FUT8: variants seen among roughly 807,000 people sequenced by gnomAD.
FUT8 encodes the protein alpha-(1,6)-fucosyltransferase.
A neutral mutation model predicts 71.3 loss-of-function variants in FUT8; 29 were observed. That is an observed-to-expected ratio of 0.41 (90% CI 0.30 to 0.55). The LOEUF (loss-of-function observed/expected upper bound fraction) is 0.55. Ranked by LOEUF, FUT8 falls within the 20% of genes least tolerant of loss-of-function variation. FUT8 has a pLI of 0.34. For missense variants in FUT8, 544 were observed against 702.1 expected, an observed-to-expected ratio of 0.77 and a Z score of 2.55; for synonymous variants, 254 against 239.3, an observed-to-expected ratio of 1.06 and a Z score of -0.57.
chr14:65,380,671 C>T, the FUT8 span, among the ~76,000 whole-genome samples: 1 of 152,218 alleles, frequency 6.6e-6, no homozygotes, highest in African/African-American at 2.4e-5. Context: ...CTGGGGTCCT[C>T]CAAGGCTCTT....
rs757920725 is a variant in FUT8, at chr14:65,682,219, G to GGT, written c.835+12740_835+12741insTG. Among the ~76,000 whole-genome samples the GGT allele has an allele frequency of 1.6e-4, 24 of 152,304 alleles. 2 individuals carry two copies. The highest frequency in any genetic ancestry group is 1.2e-3 in the Admixed American group (18 of 15,298). ...TAAAGATTTAAACAAGAATCCCAAG[G>GGT]GGGCCAGGTGTGGTGGCTCACGCTT... On this transcript the variant is annotated intron_variant, in intron 7 of 10. Coordinates refer to ENST00000673929, the MANE Select transcript of FUT8 (RefSeq NM_001371533.1).
intron 1 of FUT8, among the ~76,000 whole-genome samples, chr14:65,432,065 C>T (rs1406867749): frequency 2.6e-5 from 4 of 152,140 alleles, no homozygotes; most frequent in Non-Finnish European, 4.4e-5. Flanking sequence ...AATGGGGATT[C>T]TTCAGTCTTG....
At chr14:65,444,976 C>A (rs139123707) in intron 1 of FUT8, among the ~76,000 whole-genome samples, 74 of 151,904 alleles carry the variant, frequency 4.9e-4, no homozygotes, top group African/African-American at 1.7e-3. Flanking sequence ...GAGGCCGAGG[C>A]GGGTGGATCA....
intron 7 of FUT8, among the ~76,000 whole-genome samples, chr14:65,672,265 A>G (rs1892509389): frequency 6.6e-6 from 1 of 152,140 alleles, no homozygotes; most frequent in Non-Finnish European, 1.5e-5. Context: ...TCTATTCCTA[A>G]TAGTTTATGT....
chr14:65,524,194 C>T (rs554265791), intron 2 of FUT8, among the ~76,000 whole-genome samples: 2 of 152,278 alleles, frequency 1.3e-5, no homozygotes, highest in Admixed American at 1.3e-4. Context: ...ATTGATTCTT[C>T]CTATCCGTGA....
intron 2 of FUT8, among the ~76,000 whole-genome samples, chr14:65,520,249 G>C (rs1365150819): frequency 6.6e-6 from 1 of 151,860 alleles, no homozygotes; most frequent in Non-Finnish European, 1.5e-5. Flanking sequence ...GGCAAAGAAC[G>C]GAAGTTTTTA....
intron 1 of FUT8, among the ~76,000 whole-genome samples, chr14:65,431,591 G>A (rs909586737): frequency 6.6e-6 from 1 of 151,962 alleles, no homozygotes; most frequent in Non-Finnish European, 1.5e-5. Context: ...GGGATTACAG[G>A]CGTGAGCCAC....
intron 1 of FUT8, among the ~76,000 whole-genome samples, chr14:65,450,009 C>T (rs375415429): frequency 3.9e-5 from 6 of 152,278 alleles, no homozygotes. Context: ...TAATTTTTGT[C>T]ATCTGTTAAA....
At chr14:65,694,108 T>C (rs1250327320) in intron 7 of FUT8, among the ~76,000 whole-genome samples, 1 of 152,224 alleles carries the variant, frequency 6.6e-6, no homozygotes, top group Non-Finnish European at 1.5e-5. Flanking sequence ...ACTAGAGGTT[T>C]CTTCATTTTA....
intron 2 of FUT8, among the ~76,000 whole-genome samples, chr14:65,466,960 CA>C (rs1258442463): frequency 1.3e-5 from 2 of 152,132 alleles, no homozygotes; most frequent in African/African-American, 4.8e-5. Flanking sequence ...AATTTACAGT[CA>C]CTAAATATAT....
chr14:65,660,193 A>C lies in FUT8; in HGVS notation c.598-9050A>C, dbSNP rs1343539579. ...GTTATTCTAGCATGCAAGTCTCTTG[A>C]AACTAAGTTGAGGGTTTTCTAGAGA... On this transcript the variant is annotated intron_variant, in intron 6 of 10. Transcript: ENST00000673929. This position sits in a 1 kb window ranked among gnomAD's most constrained non-coding sequence, Gnocchi z 4.1. 2.0e-5 allele frequency among the ~76,000 whole-genome samples: 3 copies of C among 152,070 alleles called. No individual in the cohort carries two copies. Among genetic ancestry groups the C allele is most frequent in the Non-Finnish European group, 4.4e-5 (3 of 67,994 alleles).
In FUT8 at chr14:65,569,650, A is replaced by G. The variant is rs77768914; in HGVS notation, c.203+7884A>G. Among the ~76,000 whole-genome samples, 741 of 151,952 alleles carry G rather than the reference A, an allele frequency of 4.9e-3. 8 individuals are homozygous for G. The highest frequency in any genetic ancestry group is 0.017 in the African/African-American group (704 of 41,516). ...CTTAAATAGTTATTCTAATATAACTATTATATTTTCTCCTAATTTCTATTT... is the reference window on the plus strand; with the variant it reads ...CTTAAATAGTTATTCTAATATAACTGTTATATTTTCTCCTAATTTCTATTT... On this transcript the variant is annotated intron_variant, in intron 3 of 10. Transcript: ENST00000673929.
At chr14:65,420,827 C>T (rs1015909610) in intron 1 of FUT8, among the ~76,000 whole-genome samples, 2 of 152,030 alleles carry the variant, frequency 1.3e-5, no homozygotes, top group Admixed American at 6.6e-5. Context: ...ATGACATAGT[C>T]AACTAACACA....
intron 2 of FUT8, among the ~76,000 whole-genome samples, chr14:65,530,085 C>A (rs182398216): frequency 1.3e-5 from 2 of 152,166 alleles, no homozygotes; most frequent in East Asian, 3.9e-4. Context: ...TAAGGATATC[C>A]TTTTTTTAAA....
intron 6 of FUT8, among the ~76,000 whole-genome samples, chr14:65,665,105 A>G (rs895313374): frequency 6.6e-5 from 10 of 152,186 alleles, no homozygotes; most frequent in African/African-American, 9.6e-5. Flanking sequence ...GCTGGTAGCT[A>G]TTATCAAGTA....
intron 2 of FUT8, among the ~76,000 whole-genome samples, chr14:65,481,840 A>T (rs1037986776): frequency 6.6e-6 from 1 of 152,020 alleles, no homozygotes; most frequent in South Asian, 2.1e-4. Context: ...CTTATTATTG[A>T]GTTTTGAGAG....
intron 5 of FUT8, among the ~76,000 whole-genome samples, chr14:65,619,960 A>G (rs1053856446): frequency 6.6e-6 from 1 of 152,114 alleles, no homozygotes; most frequent in African/African-American, 2.4e-5. Context: ...GATTTATGGC[A>G]GTTTAGATGT....
chr14:65,735,314 G>A (rs1896170394), intron 10 of FUT8, among the ~76,000 whole-genome samples: 1 of 151,942 alleles, frequency 6.6e-6, no homozygotes, highest in South Asian at 2.1e-4. Flanking sequence ...ACTTCATGAT[G>A]GTAGAATTCT....
chr14:65,406,477 T>G (rs1278770865), upstream of FUT8, among the ~76,000 whole-genome samples: 2 of 152,240 alleles, frequency 1.3e-5, no homozygotes, highest in African/African-American at 4.8e-5. Context: ...CAACTCTGTC[T>G]CCCTGTGCAG....
Sources: allele counts gnomAD v4.1 joint callset (sites outside exome capture counted in the v4.1 genomes callset), GRCh38; gene constraint gnomAD v4.1.1; non-coding constraint Gnocchi (gnomAD v3.1); transcripts MANE v1.5; gene names NCBI Gene and HGNC (gene_info 2026-07-23, HGNC 2026-07-21).